Variants in ACP3 observed in about 807,000 individuals in gnomAD.
ACP3 encodes acid phosphatase 3.
Under a neutral mutation model 45.6 loss-of-function variants are expected in ACP3, and 38 were observed. That is an observed-to-expected ratio of 0.83 (90% confidence interval 0.64 to 1.09). The LOEUF (loss-of-function observed/expected upper bound fraction) is 1.09. Among genes scored for constraint, ACP3 ranks in the 50% least tolerant of loss-of-function variants. The pLI is 0.00. For missense variants in ACP3, 466 were observed against 463.2 expected, an observed-to-expected ratio of 1.01 and a Z score of -0.05; for synonymous variants, 162 against 164.7, an observed-to-expected ratio of 0.98 and a Z score of 0.13.
At chr3:132,350,794 C>A (rs1258494734) in intron 8 of ACP3, among the ~76,000 whole-genome samples, 1 of 152,124 alleles carries the variant, frequency 6.6e-6, no homozygotes, top group Non-Finnish European at 1.5e-5. Flanking sequence ...TCAGTGTTTG[C>A]TCAGGGAAGG....
rs996225590 is a variant in ACP3, at chr3:132,331,708, T to C, written c.278T>C (p.Leu93Ser). The change falls in exon 3 of 10, where the codon TTG becomes TCG. Residue 93 changes from leucine to serine, a missense_variant. By Grantham distance (145) the Leu-to-Ser change is moderately radical. Transcript: ENST00000336375. ...ATAAGAAAGAGATATAGAAAATTCT[T>C]GAATGAGTCCTATAAACATGAACAG... ...EYIRKRYRKF[L>S]NESYKHEQVY... 3 of 1,608,840 alleles carry C rather than the reference T, an allele frequency of 1.9e-6. No homozygotes were observed. In the Admixed American group the frequency reaches 5.1e-5, roughly 27 times the overall value.
intron 1 of ACP3, among the ~76,000 whole-genome samples, chr3:132,318,501 C>CTT (rs148179427): frequency 7.2e-6 from 1 of 139,698 alleles, no homozygotes; most frequent in Non-Finnish European, 1.6e-5. Flanking sequence ...AAAGTTCAGG[C>CTT]TTTTTTTTTT....
chr3:132,356,054 T>C (rs1937887726), intron 9 of ACP3, among the ~76,000 whole-genome samples: 1 of 152,170 alleles, frequency 6.6e-6, no homozygotes, highest in Non-Finnish European at 1.5e-5. Flanking sequence ...TCCCAAATAG[T>C]ACATTGTTTT....
At chr3:132,319,416 T>A (rs1475594131) in intron 1 of ACP3, among the ~76,000 whole-genome samples, 1 of 152,222 alleles carries the variant, frequency 6.6e-6, no homozygotes, top group Non-Finnish European at 1.5e-5. Context: ...AATTGAGTGC[T>A]TACAAGGCAC....
At chr3:132,355,707 G>A (rs1037460122) in intron 9 of ACP3, among the ~76,000 whole-genome samples, 4 of 151,942 alleles carry the variant, frequency 2.6e-5, no homozygotes, top group Admixed American at 2.0e-4. Context: ...TAGTAGAGAC[G>A]GGGTTTCACC....
At chr3:132,321,731 T>C (rs1014825871) in intron 1 of ACP3, among the ~76,000 whole-genome samples, 22 of 152,254 alleles carry the variant, frequency 1.4e-4, no homozygotes, top group African/African-American at 5.3e-4. Context: ...GGAGAGATGA[T>C]TAGAAATTAA....
chr3:132,349,559 G>A (rs558703189), intron 7 of ACP3, among the ~76,000 whole-genome samples: 1 of 152,210 alleles, frequency 6.6e-6, no homozygotes, highest in African/African-American at 2.4e-5. Flanking sequence ...TGAAAAAGCT[G>A]TCTGAAGTTC....
At chr3:132,359,283 T>A (rs901054155), downstream of ACP3, among the ~76,000 whole-genome samples, 7 of 152,168 alleles carry the variant, frequency 4.6e-5, no homozygotes, top group Admixed American at 4.6e-4. Context: ...GAGGCCAAGG[T>A]GGGCGGATCA....
At chr3:132,346,707 A>G (rs1335172225) in intron 7 of ACP3, among the ~76,000 whole-genome samples, 1 of 152,234 alleles carries the variant, frequency 6.6e-6, no homozygotes, top group Non-Finnish European at 1.5e-5. Context: ...AGGTGCCAGC[A>G]GTGTGACTCA....
At chr3:132,363,221 G>A (rs980032498), downstream of ACP3, among the ~76,000 whole-genome samples, 4 of 152,104 alleles carry the variant, frequency 2.6e-5, no homozygotes, top group Non-Finnish European at 5.9e-5. Flanking sequence ...TGTCTTCTAT[G>A]TCTACAATCC....
chr3:132,339,300 G>A (rs1046166774), intron 5 of ACP3, among the ~76,000 whole-genome samples: 1 of 152,176 alleles, frequency 6.6e-6, no homozygotes, highest in Non-Finnish European at 1.5e-5. Flanking sequence ...AATCAACACA[G>A]ACAGAAGACT....
intron 7 of ACP3, among the ~76,000 whole-genome samples, chr3:132,347,872 C>G (rs1937632463): frequency 6.7e-6 from 1 of 149,980 alleles, no homozygotes; most frequent in Non-Finnish European, 1.5e-5. Flanking sequence ...CACACACACA[C>G]CAAAAAAATC....
chr3:132,367,631 A>G, intron 10 of ACP3: 1 of 1,205,074 alleles, frequency 8.3e-7, no homozygotes, highest in Non-Finnish European at 1.2e-6. Flanking sequence ...GGCAGAAAGC[A>G]ACACTCACAT....
downstream of ACP3, among the ~76,000 whole-genome samples, chr3:132,360,421 T>C (rs1406963291): frequency 1.3e-5 from 2 of 151,976 alleles, no homozygotes; most frequent in African/African-American, 2.4e-5. Context: ...ATATGCAAGA[T>C]ACTTTGCAAC....
intron 4 of ACP3, among the ~76,000 whole-genome samples, chr3:132,334,622 G>A (rs937422732): frequency 7.2e-5 from 11 of 152,338 alleles, no homozygotes; most frequent in Admixed American, 3.3e-4. Flanking sequence ...AGAGGAGAGG[G>A]AGGAAGGAGA....
chr3:132,352,974 GTC>G, intron 9 of ACP3, 151 bp downstream of exon 9: 1 of 603,538 alleles, frequency 1.7e-6, no homozygotes, highest in Admixed American at 3.1e-5. Flanking sequence ...TGCTAGTCAT[GTC>G]TCTTTTTTCT....
chr3:132,343,156 T>G (rs1390850970), intron 6 of ACP3, among the ~76,000 whole-genome samples: 1 of 152,224 alleles, frequency 6.6e-6, no homozygotes, highest in African/African-American at 2.4e-5. Context: ...AAATTACGAT[T>G]GCTTTTCAAG....
At chr3:132,343,132 G>A (rs1396927770) in intron 6 of ACP3, among the ~76,000 whole-genome samples, 1 of 152,190 alleles carries the variant, frequency 6.6e-6, no homozygotes, top group Admixed American at 6.5e-5. Context: ...TTGAAATACC[G>A]TTTGTGGCCA....
Position 132,317,723 on chromosome 3 carries a change from G to C in ACP3, c.120+147G>C, listed in dbSNP as rs532415654. The stretch of plus-strand genomic sequence containing the variant: ...CTCAGAAAGTGAATAATCAAGTTTT[G>C]CAAGTTCCTCTTAATGAAGACCTAA... On this transcript the variant is annotated intron_variant, in intron 1 of 9. Coordinates refer to ENST00000336375, the MANE Select transcript of ACP3 (RefSeq NM_001099.5). 1.9e-4 allele frequency: 182 copies of C among 953,444 alleles called. No homozygotes were observed. The East Asian group carries it at 5.4e-3, about 28-fold the overall frequency. The allele number at this position is 953,444 out of a possible 1,614,324, so 59.1% of individuals were successfully genotyped here. A position where few individuals can be genotyped will look rare whatever the true frequency, so the allele number is the denominator to read the frequency against.
Sources: allele counts gnomAD v4.1 joint callset (sites outside exome capture counted in the v4.1 genomes callset), GRCh38; gene constraint gnomAD v4.1.1; transcripts MANE v1.5; gene names NCBI Gene and HGNC (gene_info 2026-07-23, HGNC 2026-07-21).